Variants in PAPOLG observed in about 807,000 individuals in gnomAD.
PAPOLG encodes poly(A) polymerase gamma, also known as PAP-gamma.
In PAPOLG, 40 loss-of-function variants were observed where a neutral mutation model predicts 99.0. That is an observed-to-expected ratio of 0.40 (90% confidence interval 0.31 to 0.53). The LOEUF is 0.53. Ranked by LOEUF, PAPOLG falls within the 20% of genes least tolerant of loss-of-function variation. PAPOLG has a pLI of 0.41. For synonymous variants in PAPOLG, 310 were observed against 299.3 expected (o/e 1.04, Z -0.37); for missense variants, 675 against 884.1 (o/e 0.76, Z 3.00).
At chr2:60,773,342 A>C (rs1412369568) in intron 7 of PAPOLG, among the ~76,000 whole-genome samples, 1 of 152,164 alleles carries the variant, frequency 6.6e-6, no homozygotes, top group East Asian at 1.9e-4. Flanking sequence ...GGCAACCACT[A>C]ATCTGCTTTA....
At chr2:60,757,157 A>G (rs1670371858) in intron 1 of PAPOLG, among the ~76,000 whole-genome samples, 2 of 152,262 alleles carry the variant, frequency 1.3e-5, no homozygotes, top group South Asian at 4.1e-4. Context: ...TGTAGAGAAT[A>G]ACATAAGCAT....
At chr2:60,763,536 C>G (rs920538134) in intron 3 of PAPOLG, among the ~76,000 whole-genome samples, 1 of 152,160 alleles carries the variant, frequency 6.6e-6, no homozygotes, top group African/African-American at 2.4e-5. Context: ...TAGAATCTTG[C>G]TCTGTCACCC....
In PAPOLG at chr2:60,789,618, C is replaced by T. The variant is rs565175277; in HGVS notation, c.1396+1998C>T. Reference sequence around the variant, plus strand: ...ATTTCAGGATCAGTGAAAAGTATGTCTTTCACATCTAGCCCTCTAGTCACA... The same window carrying T: ...ATTTCAGGATCAGTGAAAAGTATGTTTTTCACATCTAGCCCTCTAGTCACA... On this transcript the variant is annotated intron_variant, in intron 15 of 21. Coordinates refer to ENST00000238714, the MANE Select transcript of PAPOLG (RefSeq NM_022894.4). Among the ~76,000 whole-genome samples the T allele has an allele frequency of 1.6e-4, 24 of 152,284 alleles. No individual in the cohort carries two copies. The East Asian group carries it at 4.4e-3, about 28-fold the overall frequency.
intron 3 of PAPOLG, among the ~76,000 whole-genome samples, chr2:60,766,057 T>G: frequency 6.6e-6 from 1 of 152,216 alleles, no homozygotes. Flanking sequence ...TAATATCCTA[T>G]TATATAGATA....
intron 17 of PAPOLG, 71 bp from the exon 18 acceptor site, chr2:60,793,556 C>CTTT (rs1671606267): frequency 6.5e-7 from 1 of 1,548,656 alleles, no homozygotes; most frequent in Non-Finnish European, 8.8e-7. Context: ...AGAATGAGGC[C>CTTT]TTTTCTCAAA....
At chr2:60,793,439 C>A (rs1052662127) in intron 17 of PAPOLG, among the ~76,000 whole-genome samples, 188 bp from the exon 18 acceptor site, 1 of 151,772 alleles carries the variant, frequency 6.6e-6, no homozygotes, top group East Asian at 1.9e-4. Context: ...TGGCACACAC[C>A]TATGTTCTTA....
chr2:60,789,265 C>T (rs13017519), intron 15 of PAPOLG, among the ~76,000 whole-genome samples: 29,331 of 151,594 alleles, frequency 0.19, 3,066 homozygotes, highest in Middle Eastern at 0.24. Flanking sequence ...CAGCATGGCA[C>T]ATGTATACAT....
chr2:60,778,187 C>G (rs1267068687), intron 8 of PAPOLG, among the ~76,000 whole-genome samples: 3 of 152,072 alleles, frequency 2.0e-5, no homozygotes, highest in African/African-American at 7.2e-5. Context: ...TGCTGTATCT[C>G]CCAGACCGGA....
At chr2:60,758,081 C>T (rs1670402880) in intron 1 of PAPOLG, among the ~76,000 whole-genome samples, 2 of 152,114 alleles carry the variant, frequency 1.3e-5, no homozygotes, top group African/African-American at 2.4e-5. Context: ...ATTCAATACC[C>T]CTTAGGATTA....
Position 60,767,302 on chromosome 2 carries a change from T to C in PAPOLG, c.247-1168T>C, listed in dbSNP as rs146531841. 3.6e-4 allele frequency among the ~76,000 whole-genome samples: 55 copies of C among 152,218 alleles called. No homozygotes were observed. The East Asian group carries it at 6.7e-3, about 19-fold the overall frequency. On this transcript the variant is annotated intron_variant, in intron 3 of 21. Coordinates refer to ENST00000238714, the MANE Select transcript of PAPOLG (RefSeq NM_022894.4). ...TGACTATCTGATGGGCTTTTGGAAC[T>C]AGCTCTCAAGAGGTGAAAATTAGCT...
At chr2:60,765,348 G>A (rs567288338) in intron 3 of PAPOLG, among the ~76,000 whole-genome samples, 12 of 145,868 alleles carry the variant, frequency 8.2e-5, no homozygotes, top group Non-Finnish European at 1.6e-4. Context: ...ATAGTGTTGA[G>A]ATTACAGGCA....
chr2:60,781,050 T>C (rs1324041835), intron 10 of PAPOLG, among the ~76,000 whole-genome samples: 2 of 152,092 alleles, frequency 1.3e-5, no homozygotes, highest in Admixed American at 6.6e-5. Flanking sequence ...GTGGAAAAAA[T>C]GTCTCAAAAG....
chr2:60,773,815 C>G (rs773567031), intron 7 of PAPOLG, among the ~76,000 whole-genome samples: 39 of 152,022 alleles, frequency 2.6e-4, no homozygotes, highest in Admixed American at 3.9e-4. Flanking sequence ...AACTTGAAAG[C>G]TTAAATTTTA....
chr2:60,759,226 G>A (rs1474619656), intron 1 of PAPOLG, among the ~76,000 whole-genome samples: 1 of 152,100 alleles, frequency 6.6e-6, no homozygotes, highest in Admixed American at 6.5e-5. Flanking sequence ...AAAGTAGCTG[G>A]GTGTGGTGGC....
At position 60,796,220 on chromosome 2, in the gene PAPOLG, TTTTTTTTTTTTTTTG is replaced by T. The variant is rs751400980; in HGVS notation, c.2113-841_2113-827del. On this transcript the variant is annotated intron_variant, in intron 21 of 21. Transcript: ENST00000238714. ...AGATTTTGCCTTCCTTTTTTTTTTT[TTTTTTTTTTTTTTTG>T]GACATGGAGGCTCGCTCTGTAGCCC... 2.4e-4 allele frequency among the ~76,000 whole-genome samples: 26 copies of T among 110,042 alleles called. 1 individual carries two copies. Among genetic ancestry groups the T allele is most frequent in the Non-Finnish European group, 3.5e-4 (17 of 49,198 alleles). 72.2% of individuals were successfully genotyped at this position (110,042 alleles called of 152,430 possible).
chr2:60,763,394 G>T (rs1670579074), intron 3 of PAPOLG, among the ~76,000 whole-genome samples: 1 of 151,726 alleles, frequency 6.6e-6, no homozygotes, highest in Non-Finnish European at 1.5e-5. Context: ...AAATTTGCTT[G>T]ATTTTTTATG....
chr2:60,780,675 A>G, intron 9 of PAPOLG, 32 bp from the exon 10 acceptor site: 2 of 1,607,394 alleles, frequency 1.2e-6, no homozygotes, highest in Admixed American at 3.3e-5. Flanking sequence ...AAGTGAGATC[A>G]TGTGTAAGTT....
At chr2:60,780,651 T>C (rs991555360) in intron 9 of PAPOLG, 56 bp from the exon 10 acceptor site, 1 of 1,524,224 alleles carries the variant, frequency 6.6e-7, no homozygotes, top group African/African-American at 1.4e-5. Context: ...TTATAAAGTT[T>C]CATGTAGTAC....
At chr2:60,766,751 A>T (rs1670689200) in intron 3 of PAPOLG, among the ~76,000 whole-genome samples, 1 of 152,036 alleles carries the variant, frequency 6.6e-6, no homozygotes. Flanking sequence ...GGCAGGAACA[A>T]TGGCAAATGC....
Sources: allele counts gnomAD v4.1 joint callset (sites outside exome capture counted in the v4.1 genomes callset), GRCh38; gene constraint gnomAD v4.1.1; transcripts MANE v1.5; gene names NCBI Gene and HGNC (gene_info 2026-07-23, HGNC 2026-07-21).